PHYH: variants seen among roughly 807,000 people sequenced by gnomAD.
PHYH encodes the protein phytanoyl-CoA dioxygenase, peroxisomal.
A neutral mutation model predicts 38.5 loss-of-function variants in PHYH; 32 were observed. That is an observed-to-expected ratio of 0.83 (90% CI 0.63 to 1.12). PHYH has a LOEUF of 1.12. Ranked by LOEUF, PHYH falls within the 50% of genes most tolerant of loss-of-function variation. PHYH has a pLI of 0.00. For synonymous variants in PHYH, 166 were observed against 157.9 expected, an observed-to-expected ratio of 1.05 and a Z score of -0.38; for missense variants, 426 against 434.8, an observed-to-expected ratio of 0.98 and a Z score of 0.18.
chr10:13,289,592 T>C (rs960230148), intron 5 of PHYH, among the ~76,000 whole-genome samples: 37 of 151,514 alleles, frequency 2.4e-4, no homozygotes, highest in Admixed American at 2.4e-3. Flanking sequence ...TTGAAGAGAG[T>C]GATATGGAGT....
At chr10:13,279,716 G>C (rs1382865216) in intron 8 of PHYH, among the ~76,000 whole-genome samples, 1 of 152,178 alleles carries the variant, frequency 6.6e-6, no homozygotes, top group African/African-American at 2.4e-5. Context: ...ATAACTTACA[G>C]AGTAATTAAA....
intron 1 of PHYH, chr10:13,299,662 C>T: frequency 4.2e-6 from 5 of 1,199,458 alleles, no homozygotes; most frequent in East Asian, 9.0e-5. Flanking sequence ...CGGGGTCACG[C>T]GCCGCCGGTG....
intron 1 of PHYH, chr10:13,299,345 C>T (rs977282800): frequency 1.3e-5 from 9 of 705,522 alleles, no homozygotes; most frequent in African/African-American, 3.9e-5. Context: ...CTCACTGTAA[C>T]CCTGGACTCC....
chr10:13,294,501 C>T lies in PHYH; in HGVS notation c.341G>A (p.Ser114Asn), dbSNP rs781504804. 1.9e-6 allele frequency: 3 copies of T among 1,614,116 alleles called. No individual in the cohort carries two copies. The highest frequency in any genetic ancestry group is 3.3e-5 in the Admixed American group (2 of 60,022). Residue 114 changes from serine to asparagine, a missense_variant, in exon 4 of 9, where the codon AGT becomes AAT. Coordinates refer to ENST00000263038, the MANE Select transcript of PHYH (RefSeq NM_006214.4). ...VTISKSEYAPSEKMITKVQDF... is the reference protein window; with the variant it reads ...VTISKSEYAPNEKMITKVQDF... ...CTGGACCTTCGTGATCATCTTCTCA[C>T]TTGGAGCATATTCGGATTTCGAAAT...
intron 6 of PHYH, among the ~76,000 whole-genome samples, chr10:13,285,052 A>G (rs937899859): frequency 6.6e-6 from 1 of 152,206 alleles, no homozygotes; most frequent in African/African-American, 2.4e-5. Flanking sequence ...CTGCAGTTGC[A>G]TGCACCAAAC....
rs763486532 is a variant in PHYH, at chr10:13,288,377, C to T, written c.661G>A (p.Asp221Asn). The T allele has an allele frequency of 1.9e-6, 3 of 1,613,802 alleles. No individual in the cohort carries two copies. Among genetic ancestry groups the T allele is most frequent in the Admixed American group, 1.7e-5 (1 of 60,030 alleles). The stretch of plus-strand genomic sequence containing the variant: ...AGACCTACCTCCCACTTGGGGTAAT[C>T]GTGGGGCTTCAGGGAGCCCTTGTGT... The part of the protein sequence containing the change: ...GTHKGSLKPH[D>N]YPKWEGGVNK... Residue 221 changes from aspartate (D) to asparagine (N), a missense_variant, in exon 6 of 9, where the codon GAT (aspartate) becomes AAT (asparagine). Coordinates refer to ENST00000263038, the MANE Select transcript of PHYH (RefSeq NM_006214.4).
intron 6 of PHYH, among the ~76,000 whole-genome samples, chr10:13,284,944 C>A (rs1244856288): frequency 1.3e-5 from 2 of 152,122 alleles, no homozygotes; most frequent in Non-Finnish European, 2.9e-5. Flanking sequence ...CTAAGCTAAT[C>A]ATACCTCCCA....
intron 2 of PHYH, among the ~76,000 whole-genome samples, chr10:13,296,361 G>A (rs1231750234): frequency 2.6e-5 from 4 of 151,722 alleles, no homozygotes; most frequent in Non-Finnish European, 5.9e-5. Context: ...TGGATCACCT[G>A]AGGTCGGGAG....
intron 2 of PHYH, among the ~76,000 whole-genome samples, chr10:13,297,873 T>C (rs1288430205): frequency 1.3e-5 from 2 of 151,816 alleles, no homozygotes; most frequent in African/African-American, 4.8e-5. Flanking sequence ...GGCAGGAGGA[T>C]TGCTTTAGCC....
intron 1 of PHYH, among the ~76,000 whole-genome samples, chr10:13,299,233 T>A (rs930928069): frequency 1.3e-5 from 2 of 152,162 alleles, no homozygotes; most frequent in Non-Finnish European, 2.9e-5. Context: ...GCATTGTTTC[T>A]TTAGCTTAAT....
intron 5 of PHYH, 56 bp from the exon 6 acceptor site, chr10:13,288,597 C>T: frequency 3.3e-6 from 5 of 1,530,108 alleles, no homozygotes; most frequent in Non-Finnish European, 4.5e-6. Context: ...GTGGCTCACG[C>T]CTGTAACCCC....
intron 4 of PHYH, 134 bp downstream of exon 4, chr10:13,294,294 G>A (rs1374130261): frequency 7.7e-6 from 6 of 777,128 alleles, no homozygotes; most frequent in South Asian, 1.4e-5. Context: ...GGGATCAAGC[G>A]ATCCACCTGC....
In PHYH at chr10:13,300,003, G is replaced by C; in HGVS notation, c.40C>G (p.Leu14Val). The stretch of plus-strand genomic sequence containing the variant: ...GCCGAGGGGCGGCCGAGGTGGCCCA[G>C]AACAATCTGCAGACGGGCGGCGGCG... ...LRAAARLQIV[L>V]GHLGRPSAGA... Residue 14 changes from leucine to valine, a missense_variant, in exon 1 of 9, where the codon CTG (leucine) becomes GTG (valine). By Grantham distance (32) the Leu-to-Val change is conservative (BLOSUM62 1). Coordinates refer to ENST00000263038, the MANE Select transcript of PHYH (RefSeq NM_006214.4). The C allele has an allele frequency of 6.5e-7, 1 of 1,533,106 alleles. No individual in the cohort carries two copies. The highest frequency in any genetic ancestry group is 8.7e-7 in the Non-Finnish European group (1 of 1,144,736). 95.0% of individuals were successfully genotyped at this position (1,533,106 alleles called of 1,614,324 possible).
In PHYH at chr10:13,298,229, G is replaced by T. The variant is rs752742972; in HGVS notation, c.92C>A (p.Ser31Ter). The change falls in exon 2 of 9, where the codon TCA (serine) becomes TAA (stop). Residue 31 changes from serine to a stop codon, truncating the protein, a stop_gained. Transcript: ENST00000263038. LOFTEE classifies it high-confidence loss of function. ...SAGAVVAHPT[S>*]GTISSASFHP... ...GAAACTGGCAGAGGAAATAGTCCCT[G>T]AAGTGGGATGAGCTACCTAGGATGT... 1 of 1,604,724 alleles carries T rather than the reference G, an allele frequency of 6.2e-7. No individual in the cohort carries two copies. Among genetic ancestry groups the T allele is most frequent in the Non-Finnish European group, 8.5e-7 (1 of 1,171,520 alleles).
intron 1 of PHYH, chr10:13,299,762 C>G (rs1348076866): frequency 2.3e-6 from 3 of 1,310,210 alleles, no homozygotes; most frequent in Non-Finnish European, 2.9e-6. Context: ...CCAGGGCGGC[C>G]GCGCGTGTCC....
intron 3 of PHYH, 114 bp from the exon 4 acceptor site, chr10:13,294,710 G>A (rs1835799918): frequency 1.2e-6 from 1 of 826,108 alleles, no homozygotes; most frequent in Non-Finnish European, 2.1e-6. Flanking sequence ...CACTAAGTTG[G>A]CCTCCAGCTT....
At position 13,295,398 on chromosome 10, in the gene PHYH, TA is replaced by T. The variant is rs1564428400; in HGVS notation, c.245+97del. Reference sequence around the variant, plus strand: ...AACACTTCCCAACAAACCAAATCATTAAAAAACATCTGTAAAGCCAGGAGCG... The same window carrying T: ...AACACTTCCCAACAAACCAAATCATTAAAAACATCTGTAAAGCCAGGAGCG... On this transcript the variant is annotated intron_variant, in intron 3 of 8. Transcript: ENST00000263038. 3 of 752,954 alleles carry T rather than the reference TA, an allele frequency of 4.0e-6. No individual in the cohort carries two copies. In the African/African-American group the frequency reaches 5.1e-5, roughly 13 times the overall value. 46.6% of individuals were successfully genotyped at this position (752,954 alleles called of 1,614,324 possible).
At chr10:13,299,119 G>C (rs1320714810) in intron 1 of PHYH, among the ~76,000 whole-genome samples, 1 of 116,854 alleles carries the variant, frequency 8.6e-6, no homozygotes, top group African/African-American at 3.0e-5. Flanking sequence ...GACAGAGTGA[G>C]GCCCTGTTTC....
chr10:13,295,478 C>T lies in PHYH; in HGVS notation c.245+18G>A. 1 of 1,167,510 alleles carries T rather than the reference C, an allele frequency of 8.6e-7. No individual in the cohort carries two copies. The highest frequency in any genetic ancestry group is 1.3e-6 in the Non-Finnish European group (1 of 771,778). 72.3% of individuals were successfully genotyped at this position (1,167,510 alleles called of 1,614,324 possible). A position where few individuals can be genotyped will look rare whatever the true frequency, so the allele number is the denominator to read the frequency against. On this transcript the variant is annotated intron_variant, in intron 3 of 8. Transcript: ENST00000263038. ...CACAATACATACTATTGTAAAATAACAAATAGTGTTACTGTACCGAAAGCG... is the reference window on the plus strand; with the variant it reads ...CACAATACATACTATTGTAAAATAATAAATAGTGTTACTGTACCGAAAGCG...
Sources: gnomAD v4.1 joint callset for allele counts (sites outside exome capture counted in the v4.1 genomes callset) on GRCh38, gnomAD v4.1.1 for gene constraint, MANE v1.5 for transcripts, NCBI Gene and HGNC (gene_info 2026-07-23, HGNC 2026-07-21) for gene names.